The following PTK2 variants were observed in gnomAD, a reference collection of about 807,000 sequenced individuals.
The protein encoded by PTK2 is focal adhesion kinase 1.
A neutral mutation model predicts 150.1 loss-of-function variants in PTK2; 45 were observed. The observed-to-expected ratio is 0.30, with a 90% CI of 0.24 to 0.38. The LOEUF is 0.38. Ranked by LOEUF, PTK2 falls within the 10% of genes least tolerant of loss-of-function variation. PTK2 has a pLI of 1.00. For missense variants in PTK2, 919 were observed against 1,307.3 expected (o/e 0.70, Z 4.58); for synonymous variants, 432 against 449.2 (o/e 0.96, Z 0.48).
chr8:140,658,314 A>G (rs117091053), exon 32 of PTK2: 8 of 170,432 alleles, frequency 4.7e-5, no homozygotes, highest in Non-Finnish European at 1.0e-4. Context: ...ATTATTGGGA[A>G]CTCTCTTGTA....
chr8:140,968,580 A>G (rs764690439), intron 1 of PTK2, among the ~76,000 whole-genome samples: 8 of 152,224 alleles, frequency 5.3e-5, no homozygotes, highest in Non-Finnish European at 8.8e-5. Context: ...AAATCTGTCT[A>G]CAGCTTGTGC....
chr8:140,831,418 T>G (rs1379823245), intron 7 of PTK2, among the ~76,000 whole-genome samples: 1 of 152,208 alleles, frequency 6.6e-6, no homozygotes. Flanking sequence ...TATAATAAAC[T>G]GAATATAAAG....
chr8:140,948,372 C>A (rs1586767624), intron 1 of PTK2, among the ~76,000 whole-genome samples: 1 of 152,032 alleles, frequency 6.6e-6, no homozygotes, highest in Admixed American at 6.6e-5. Flanking sequence ...TGAGGCAGAA[C>A]AGGGAGACAT....
Position 140,697,852 on chromosome 8 carries a change from GTTTTTTTTTTTTTT to G in PTK2, c.2499+3025_2499+3038del, listed in dbSNP as rs71308981. 3.5e-4 allele frequency among the ~76,000 whole-genome samples: 17 copies of G among 47,968 alleles called. 1 individual carries two copies. The highest frequency in any genetic ancestry group is 1.7e-3 in the Admixed American group (5 of 2,950). The allele number at this position is 47,968 out of a possible 152,430, so 31.5% of individuals were successfully genotyped here. A position where few individuals can be genotyped will look rare whatever the true frequency, so the allele number is the denominator to read the frequency against. ...GATCCTCCTCCCTTTAGGGTTTACT[GTTTTTTTTTTTTTT>G]TTTTTTTTTTTTTTTGCCACAGGGT... On this transcript the variant is annotated intron_variant, in intron 26 of 31. Coordinates refer to ENST00000522684, the Ensembl canonical transcript of PTK2.
At chr8:140,733,164 G>T (rs1303894145) in intron 22 of PTK2, among the ~76,000 whole-genome samples, 2 of 152,156 alleles carry the variant, frequency 1.3e-5, no homozygotes, top group African/African-American at 4.8e-5. Flanking sequence ...CAGGCACAAG[G>T]AGTGAAGCAT....
rs757026749 is a variant in PTK2, at chr8:140,992,642, G to A, written c.-122+8483C>T. Among the ~76,000 whole-genome samples the A allele has an allele frequency of 3.9e-5, 6 of 152,132 alleles. No homozygotes were observed. The East Asian group carries it at 9.6e-4, about 24-fold the overall frequency. On this transcript the variant is annotated intron_variant, in intron 1 of 31. Coordinates refer to ENST00000522684, the Ensembl canonical transcript of PTK2. ...GAAAGCCCCTGGAGCTTACTGGAAC[G>A]TGTGCGTGAACAGTGTGAATGAGTT...
intron 23 of PTK2, among the ~76,000 whole-genome samples, chr8:140,709,508 G>A (rs141023105): frequency 4.3e-4 from 66 of 152,276 alleles, no homozygotes; most frequent in Non-Finnish European, 7.5e-4. Flanking sequence ...TGGTCAAGAG[G>A]GCAGGCTTTG....
At chr8:140,858,839 T>A (rs2100134402) in intron 5 of PTK2, among the ~76,000 whole-genome samples, 1 of 152,194 alleles carries the variant, frequency 6.6e-6, no homozygotes, top group Admixed American at 6.5e-5. Context: ...TGCAAGGTGA[T>A]GAAACAAGTC....
In PTK2 at chr8:140,792,376, C is replaced by T. The variant is rs572117638; in HGVS notation, c.1124+978G>A. Among the ~76,000 whole-genome samples the T allele has an allele frequency of 4.6e-4, 70 of 152,290 alleles. 1 individual carries two copies. The highest frequency in any genetic ancestry group is 1.5e-3 in the African/African-American group (62 of 41,550). On this transcript the variant is annotated intron_variant, in intron 13 of 31. Transcript: ENST00000522684. ...AACATTTCACACAGGTCGTCACAAT[C>T]CATTGCTGGGGAATTCAGAGTGTCC...
intron 7 of PTK2, among the ~76,000 whole-genome samples, chr8:140,845,551 T>C (rs2100124871): frequency 6.6e-6 from 1 of 152,210 alleles, no homozygotes; most frequent in Non-Finnish European, 1.5e-5. Flanking sequence ...CATTCTCCTG[T>C]AAACACCCAG....
chr8:140,962,277 A>AAGGG (rs1196068426), intron 1 of PTK2, among the ~76,000 whole-genome samples: 1 of 131,500 alleles, frequency 7.6e-6, no homozygotes, highest in South Asian at 2.9e-4. Flanking sequence ...GGGAGGGAGG[A>AAGGG]AGGGAGGGAG....
chr8:140,771,694 T>C (rs957880319), intron 14 of PTK2, among the ~76,000 whole-genome samples: 1 of 152,148 alleles, frequency 6.6e-6, no homozygotes, highest in Non-Finnish European at 1.5e-5. Context: ...CTTATTGACA[T>C]TGTCAATATA....
rs2100070182 is a variant in PTK2 at position 140,762,897 on chromosome 8, C to CAGCCTCCTG, written c.1234+1328_1234+1336dup. On this transcript the variant is annotated intron_variant, in intron 15 of 31. Coordinates refer to ENST00000522684, the Ensembl canonical transcript of PTK2. The stretch of plus-strand genomic sequence containing the variant: ...ACAGGCTCAAACAATCCTCACACCT[C>CAGCCTCCTG]AGCCTCCTGAGTAGCTGAAACAACA... 3.3e-5 allele frequency among the ~76,000 whole-genome samples: 5 copies of CAGCCTCCTG among 152,290 alleles called. No homozygotes were observed. In the South Asian group the frequency reaches 1.0e-3, roughly 32 times the overall value.
intron 31 of PTK2, chr8:140,660,747 T>C (rs9324529): frequency 2.6e-6 from 1 of 381,866 alleles, no homozygotes; most frequent in Non-Finnish European, 5.4e-6. Flanking sequence ...CCCGCACACA[T>C]TAAGTCAGGG....
At chr8:140,831,780 C>G (rs2100115546) in intron 7 of PTK2, among the ~76,000 whole-genome samples, 1 of 152,180 alleles carries the variant, frequency 6.6e-6, no homozygotes, top group Admixed American at 6.5e-5. Context: ...TGTAACTTCC[C>G]TTCCTTACCT....
intron 2 of PTK2, among the ~76,000 whole-genome samples, chr8:140,901,515 C>T (rs1465711474): frequency 6.6e-6 from 1 of 152,044 alleles, no homozygotes; most frequent in Non-Finnish European, 1.5e-5. Context: ...AGTATTTGCA[C>T]CTACCCATCT....
chr8:140,906,409 C>G lies in PTK2; in HGVS notation c.-32-15640G>C, dbSNP rs151080993. On this transcript the variant is annotated intron_variant, in intron 2 of 31. Coordinates refer to ENST00000522684, the Ensembl canonical transcript of PTK2. ...CTGCATCCCCATTCTTATTACAGCC[C>G]TATTCACAACAGCCAAGATATGGAA... 4.8e-3 allele frequency among the ~76,000 whole-genome samples: 733 copies of G among 152,284 alleles called. 2 individuals are homozygous for G. The highest frequency in any genetic ancestry group is 8.3e-3 in the Non-Finnish European group (562 of 68,008).
chr8:140,936,557 T>C (rs377118928), intron 1 of PTK2, among the ~76,000 whole-genome samples: 8 of 151,988 alleles, frequency 5.3e-5, no homozygotes, highest in East Asian at 1.9e-4. Context: ...GGGGCATCTT[T>C]AGTTGCCCTA....
chr8:140,669,477 T>C (rs1050846999), intron 29 of PTK2: 3 of 489,084 alleles, frequency 6.1e-6, no homozygotes, highest in African/African-American at 5.9e-5. Flanking sequence ...AGATTAATTC[T>C]TGGTTGTTCC....
Sources: allele counts gnomAD v4.1 joint callset (sites outside exome capture counted in the v4.1 genomes callset), GRCh38; gene constraint gnomAD v4.1.1; transcripts MANE v1.5; gene names NCBI Gene and HGNC (gene_info 2026-07-23, HGNC 2026-07-21).